Variants in DIAPH2 observed in about 807,000 individuals in gnomAD.
DIAPH2 encodes diaphanous related formin 2, also known as protein diaphanous homolog 2.
A neutral mutation model predicts 92.7 loss-of-function variants in DIAPH2; 35 were observed. The ratio of observed to expected loss-of-function variants is 0.38; its 90% confidence interval spans 0.29 to 0.50. The LOEUF is 0.50. DIAPH2 is among the 20% of genes least tolerant of loss of function. The probability of loss-of-function intolerance (pLI) is 0.94; values close to 1 mark genes in which losing one functional copy is unlikely to be tolerated. For synonymous variants in DIAPH2, 301 were observed against 280.4 expected (o/e 1.07, Z -0.73); for missense variants, 701 against 819.5 (o/e 0.86, Z 1.77).
chrX:97,298,772 G>A (rs1049768758), intron 23 of DIAPH2, among the ~76,000 whole-genome samples: 4 of 109,722 alleles, frequency 3.6e-5, no homozygotes, highest in African/African-American at 1.3e-4. Flanking sequence ...CCACCACCAC[G>A]CCCAGCTAAT....
chrX:96,885,124 G>A (rs752450234), intron 5 of DIAPH2: 4 of 1,150,658 alleles, frequency 3.5e-6, no homozygotes, highest in African/African-American at 1.8e-5. Context: ...TTCATTTTTC[G>A]AAGACCCTTG....
At chrX:96,968,787 A>G (rs1270958421) in intron 17 of DIAPH2, among the ~76,000 whole-genome samples, 1 of 112,148 alleles carries the variant, frequency 8.9e-6, no homozygotes, top group Non-Finnish European at 1.9e-5. Context: ...GAACTTAGTC[A>G]TGAGTTATTT....
At chrX:96,940,771 A>T (rs1179582284) in intron 12 of DIAPH2, among the ~76,000 whole-genome samples, 1 of 112,068 alleles carries the variant, frequency 8.9e-6, no homozygotes, top group African/African-American at 3.2e-5. Flanking sequence ...AAGTTCTAAC[A>T]AATTTAAAAG....
chrX:96,795,215 A>G (rs1434903793), intron 4 of DIAPH2, among the ~76,000 whole-genome samples: 1 of 111,712 alleles, frequency 9.0e-6, no homozygotes, highest in African/African-American at 3.3e-5. Flanking sequence ...CCTCCCTGTC[A>G]TTTGTTCTGG....
At chrX:97,488,305 T>G (rs914238336) in intron 26 of DIAPH2, among the ~76,000 whole-genome samples, 1 of 112,664 alleles carries the variant, frequency 8.9e-6, no homozygotes, top group African/African-American at 3.2e-5. Flanking sequence ...TTTGTTTTTT[T>G]GATCTTGAGT....
chrX:97,400,844 A>C (rs771374614), intron 25 of DIAPH2, among the ~76,000 whole-genome samples: 22 of 110,551 alleles, frequency 2.0e-4, no homozygotes, highest in African/African-American at 6.9e-4. Flanking sequence ...AGACAGTAGG[A>C]TCATTATTTT....
intron 4 of DIAPH2, among the ~76,000 whole-genome samples, chrX:96,873,076 G>T (rs1424741861): frequency 9.0e-6 from 1 of 111,065 alleles, no homozygotes; most frequent in African/African-American, 3.3e-5. Context: ...CCACATCCTC[G>T]CCAGCATTTG....
chrX:96,961,085 A>G (rs2065844250), intron 16 of DIAPH2, among the ~76,000 whole-genome samples: 1 of 111,174 alleles, frequency 9.0e-6, no homozygotes, highest in African/African-American at 3.3e-5. Flanking sequence ...GTATTGGGGT[A>G]ATGCTGGCCT....
chrX:97,559,763 A>G (rs2071281545), intron 26 of DIAPH2, among the ~76,000 whole-genome samples: 1 of 112,183 alleles, frequency 8.9e-6, no homozygotes, highest in African/African-American at 3.2e-5. Context: ...ATTCAAAGTC[A>G]AAAGTAGCTA....
At chrX:96,980,204 G>A (rs1350057590) in intron 17 of DIAPH2, among the ~76,000 whole-genome samples, 2 of 111,634 alleles carry the variant, frequency 1.8e-5, no homozygotes, top group Non-Finnish European at 3.8e-5. Flanking sequence ...GGAAAAATCA[G>A]TTCACACAAT....
chrX:96,769,843 C>T (rs779038218), intron 4 of DIAPH2, among the ~76,000 whole-genome samples: 6 of 111,834 alleles, frequency 5.4e-5, no homozygotes, highest in African/African-American at 1.9e-4. Context: ...AACTCCCACC[C>T]GCCAGCCGGC....
chrX:96,835,880 C>A (rs1271163141), intron 4 of DIAPH2, among the ~76,000 whole-genome samples: 2 of 110,559 alleles, frequency 1.8e-5, no homozygotes, highest in African/African-American at 6.6e-5. Context: ...GTGATGTGAT[C>A]ATGGCTCACT....
intron 21 of DIAPH2, among the ~76,000 whole-genome samples, chrX:97,137,005 G>A (rs2067174811): frequency 9.2e-6 from 1 of 108,166 alleles, no homozygotes; most frequent in South Asian, 4.2e-4. Flanking sequence ...AAAGTACCAT[G>A]CATCATTTAT....
chrX:97,076,609 G>T (rs1003217860), intron 19 of DIAPH2, among the ~76,000 whole-genome samples: 1 of 111,529 alleles, frequency 9.0e-6, no homozygotes, highest in Non-Finnish European at 1.9e-5. Flanking sequence ...TAACAATTTT[G>T]CCATATTCCC....
At chrX:97,358,705 T>A (rs1387060937) in intron 24 of DIAPH2, among the ~76,000 whole-genome samples, 1 of 111,154 alleles carries the variant, frequency 9.0e-6, no homozygotes, top group Non-Finnish European at 1.9e-5. Context: ...TAAAATTTTT[T>A]AATTACCAAT....
At chrX:97,507,469 A>G (rs956158372) in intron 26 of DIAPH2, among the ~76,000 whole-genome samples, 6 of 111,510 alleles carry the variant, frequency 5.4e-5, no homozygotes, top group African/African-American at 2.0e-4. Flanking sequence ...GTACTTAGTA[A>G]TGATTTCCCA....
chrX:97,018,180 T>G (rs2066273220), intron 17 of DIAPH2, among the ~76,000 whole-genome samples: 1 of 112,470 alleles, frequency 8.9e-6, no homozygotes, highest in Non-Finnish European at 1.9e-5. Context: ...AGTTGATTAA[T>G]TATTTTAAAT....
chrX:96,890,383 G>A (rs964013783), intron 5 of DIAPH2, among the ~76,000 whole-genome samples: 6 of 111,911 alleles, frequency 5.4e-5, no homozygotes, highest in South Asian at 3.7e-4. Flanking sequence ...TCCTCTATAA[G>A]GCTAGAGGAT....
chrX:97,037,161 T>C (rs1339439804), intron 17 of DIAPH2, among the ~76,000 whole-genome samples: 1 of 111,462 alleles, frequency 9.0e-6, no homozygotes, highest in Non-Finnish European at 1.9e-5. Flanking sequence ...TTCTTAAACA[T>C]TGAGAGTAAC....
Sources: gnomAD v4.1 joint callset for allele counts (sites outside exome capture counted in the v4.1 genomes callset) on GRCh38, gnomAD v4.1.1 for gene constraint, MANE v1.5 for transcripts, NCBI Gene and HGNC (gene_info 2026-07-23, HGNC 2026-07-21) for gene names.